The following DPP6 variants were observed in gnomAD, a reference collection of about 807,000 sequenced individuals.
DPP6 encodes the protein dipeptidyl peptidase like 6, also known as A-type potassium channel modulatory protein DPP6.
Under a neutral mutation model 122.6 loss-of-function variants are expected in DPP6, and 69 were observed. The observed-to-expected ratio is 0.56, with a 90% CI of 0.46 to 0.69. DPP6 has a LOEUF of 0.69. Ranked by LOEUF, DPP6 falls within the 30% of genes least tolerant of loss-of-function variation. The pLI is 0.00. For synonymous variants in DPP6, 418 were observed against 433.1 expected, an observed-to-expected ratio of 0.97 and a Z score of 0.43; for missense variants, 928 against 1,116.9, an observed-to-expected ratio of 0.83 and a Z score of 2.41.
the DPP6 span, among the ~76,000 whole-genome samples, chr7:153,793,258 CA>C: frequency 6.6e-6 from 1 of 151,754 alleles, no homozygotes; most frequent in Non-Finnish European, 1.5e-5. Flanking sequence ...TGGCTTTGAC[CA>C]AAAGCCTGAT....
chr7:153,903,731 C>A (rs1321119782), intron 1 of DPP6, among the ~76,000 whole-genome samples: 1 of 152,128 alleles, frequency 6.6e-6, no homozygotes, highest in Non-Finnish European at 1.5e-5. Context: ...TTTTTATTTT[C>A]TCTTCTGTGC....
intron 1 of DPP6, among the ~76,000 whole-genome samples, chr7:154,438,915 G>A (rs927859687): frequency 2.0e-5 from 3 of 152,160 alleles, no homozygotes; most frequent in Non-Finnish European, 4.4e-5. Flanking sequence ...AGAGGAGGGG[G>A]CTCACAGACT....
the DPP6 span, among the ~76,000 whole-genome samples, chr7:153,806,934 T>G: frequency 7.2e-5 from 11 of 151,964 alleles, no homozygotes; most frequent in Non-Finnish European, 1.3e-4. Context: ...GGGATTAGAT[T>G]TGCAACTATT....
intron 6 of DPP6, among the ~76,000 whole-genome samples, chr7:154,652,826 T>C (rs1836963875): frequency 6.6e-6 from 1 of 151,974 alleles, no homozygotes; most frequent in East Asian, 1.9e-4. Flanking sequence ...TCAAGGCCAA[T>C]ATGGGCAAAC....
rs185606912 is a variant in DPP6, at chr7:154,715,281, C to G, written c.763-12486C>G. Among the ~76,000 whole-genome samples, 152 of 152,282 alleles carry G rather than the reference C, an allele frequency of 1.0e-3. 1 individual carries two copies. Among genetic ancestry groups the G allele is most frequent in the Non-Finnish European group, 6.2e-4 (42 of 68,024 alleles). On this transcript the variant is annotated intron_variant, in intron 7 of 25. Transcript: ENST00000377770. ...ATGGGTTTTCACCTGGTTGGCCAGG[C>G]TGGTCTCGAACTCCTAACATCAGAT...
intron 8 of DPP6, among the ~76,000 whole-genome samples, chr7:154,762,491 T>C (rs991764124): frequency 6.6e-6 from 1 of 152,238 alleles, no homozygotes; most frequent in African/African-American, 2.4e-5. Context: ...CTTCTGATGT[T>C]CCATGCCTAC....
chr7:153,978,401 G>GT (rs1450365294), intron 1 of DPP6, among the ~76,000 whole-genome samples: 2 of 152,066 alleles, frequency 1.3e-5, no homozygotes. Context: ...TGATGGGGTT[G>GT]TTTTTTTCTT....
chr7:154,650,810 C>T (rs2130990821), intron 6 of DPP6, among the ~76,000 whole-genome samples: 1 of 152,298 alleles, frequency 6.6e-6, no homozygotes, highest in Non-Finnish European at 1.5e-5. Context: ...TGGCCTGTAG[C>T]AGCTGTCTTC....
chr7:154,205,216 G>A (rs910815205), intron 1 of DPP6, among the ~76,000 whole-genome samples: 3 of 152,036 alleles, frequency 2.0e-5, no homozygotes, highest in African/African-American at 7.2e-5. Flanking sequence ...TACAGAGAGA[G>A]CCCTTGTACC....
rs1383773149 is a variant in DPP6 at position 154,760,972 on chromosome 7, C to T, written c.884-8445C>T. On this transcript the variant is annotated intron_variant, in intron 8 of 25. Coordinates refer to ENST00000377770, the MANE Select transcript of DPP6 (RefSeq NM_130797.4). The surrounding 1 kb of genome is among the most constrained non-coding windows in gnomAD (Gnocchi z 4.5). ...GCCTCAGCCTCCCGGATAGCTGGGA[C>T]TACAGGCGCCTGCCACCATGCCCGG... Among the ~76,000 whole-genome samples the T allele has an allele frequency of 2.0e-5, 3 of 151,804 alleles. No individual in the cohort carries two copies. Among genetic ancestry groups the T allele is most frequent in the African/African-American group, 4.8e-5 (2 of 41,268 alleles).
chr7:154,097,811 A>G (rs1478327240), intron 1 of DPP6, among the ~76,000 whole-genome samples: 3 of 152,172 alleles, frequency 2.0e-5, no homozygotes, highest in Non-Finnish European at 4.4e-5. Context: ...GGCCTCTGGC[A>G]GGAGGCCTCG....
At chr7:153,855,356 T>C in the DPP6 span, among the ~76,000 whole-genome samples, 1 of 152,212 alleles carries the variant, frequency 6.6e-6, no homozygotes, top group Non-Finnish European at 1.5e-5. Context: ...CATTAACTTA[T>C]ACAAACAAGG....
chr7:154,673,630 C>T (rs1838704725), intron 7 of DPP6, among the ~76,000 whole-genome samples: 3 of 152,138 alleles, frequency 2.0e-5, no homozygotes, highest in Admixed American at 2.0e-4. Flanking sequence ...CAAACGTTTG[C>T]TGAGGACCCA....
At chr7:154,312,923 T>A (rs1420009970) in intron 1 of DPP6, among the ~76,000 whole-genome samples, 1 of 152,212 alleles carries the variant, frequency 6.6e-6, no homozygotes, top group East Asian at 1.9e-4. Flanking sequence ...ATGATATATG[T>A]TTCCAAATTA....
At chr7:154,157,983 A>G (rs9785041) in intron 1 of DPP6, among the ~76,000 whole-genome samples, 1,591 of 148,214 alleles carry the variant, frequency 0.011, 37 homozygotes, top group African/African-American at 0.037. Context: ...ATATAAATAT[A>G]TATACATATA....
chr7:154,829,130 C>T (rs1351314535), intron 16 of DPP6, among the ~76,000 whole-genome samples: 1 of 151,940 alleles, frequency 6.6e-6, no homozygotes, highest in Admixed American at 6.6e-5. Flanking sequence ...TGCCTGTAAT[C>T]CCAACACTCT....
chr7:153,836,881 T>C, the DPP6 span, among the ~76,000 whole-genome samples: 2 of 152,194 alleles, frequency 1.3e-5, no homozygotes, highest in Non-Finnish European at 2.9e-5. Flanking sequence ...CTCCCCAGGT[T>C]CAGATAAATT....
In DPP6 at chr7:154,486,194, C is replaced by G. The variant is rs972180033; in HGVS notation, c.457+11157C>G. ...TATCGCCCAGGCTGGAGTGCAGTGG[C>G]ACGATCTCAGCTCACTGCAACCTCC... On this transcript the variant is annotated intron_variant, in intron 3 of 25. Transcript: ENST00000377770. This position sits in a 1 kb window ranked among gnomAD's most constrained non-coding sequence, Gnocchi z 4.5. 8.6e-5 allele frequency among the ~76,000 whole-genome samples: 13 copies of G among 151,628 alleles called. No homozygotes were observed. The highest frequency in any genetic ancestry group is 1.0e-4 in the Non-Finnish European group (7 of 67,952).
At chr7:154,432,377 C>G (rs73497237) in intron 1 of DPP6, among the ~76,000 whole-genome samples, 12,259 of 152,180 alleles carry the variant, frequency 0.081, 1,616 homozygotes, top group African/African-American at 0.28. Context: ...CACAATTAAT[C>G]AGTACAAATA....
Sources: allele counts gnomAD v4.1 joint callset (sites outside exome capture counted in the v4.1 genomes callset), GRCh38; gene constraint gnomAD v4.1.1; non-coding constraint Gnocchi (gnomAD v3.1); transcripts MANE v1.5; gene names NCBI Gene and HGNC (gene_info 2026-07-23, HGNC 2026-07-21).